The following LPIN1 variants were observed in gnomAD, a reference collection of about 807,000 sequenced individuals.
LPIN1 encodes lipin 1, also known as phosphatidate phosphatase LPIN1.
In LPIN1, 71 loss-of-function variants were observed where a neutral mutation model predicts 107.5. The ratio of observed to expected loss-of-function variants is 0.66; its 90% confidence interval spans 0.55 to 0.80. The LOEUF is 0.80. Ranked by LOEUF, LPIN1 falls within the 30% of genes least tolerant of loss-of-function variation. LPIN1 has a pLI of 0.00. For missense variants in LPIN1, 1,043 were observed against 1,160.6 expected, an observed-to-expected ratio of 0.90 and a Z score of 1.47; for synonymous variants, 445 against 452.6, an observed-to-expected ratio of 0.98 and a Z score of 0.21.
At chr2:11,807,350 C>A (rs1228588648) in intron 17 of LPIN1, among the ~76,000 whole-genome samples, 1 of 152,154 alleles carries the variant, frequency 6.6e-6, no homozygotes. Context: ...CATGAGGTGC[C>A]TTGACTTGTG....
At chr2:11,724,755 AG>A (rs1315336488) in intron 1 of LPIN1, 1 of 457,516 alleles carries the variant, frequency 2.2e-6, no homozygotes, top group East Asian at 1.5e-4. Flanking sequence ...TGAAGGGGGC[AG>A]TGACTGGAAT....
intron 7 of LPIN1, 58 bp downstream of exon 7, chr2:11,779,703 A>G: frequency 1.2e-6 from 2 of 1,608,080 alleles, no homozygotes; most frequent in Non-Finnish European, 1.7e-6. Flanking sequence ...CTTAAATTAC[A>G]TGGAATTAGT....
intron 1 of LPIN1, among the ~76,000 whole-genome samples, chr2:11,691,795 C>T (rs1662285363): frequency 6.6e-6 from 1 of 152,248 alleles, no homozygotes; most frequent in South Asian, 2.1e-4. Context: ...CATGAGAAGC[C>T]TCCATCCAAG....
chr2:11,729,660 C>T, intron 1 of LPIN1, among the ~76,000 whole-genome samples: 1 of 152,332 alleles, frequency 6.6e-6, no homozygotes, highest in East Asian at 1.9e-4. Context: ...ATGTGACCTG[C>T]AAAGTCTACA....
Position 11,772,779 on chromosome 2 carries a change from C to T in LPIN1, c.597-841C>T, listed in dbSNP as rs115470018. On this transcript the variant is annotated intron_variant, in intron 4 of 20. Coordinates refer to ENST00000674199, the MANE Select transcript of LPIN1 (RefSeq NM_001349206.2). ...TGATGTTTCAGATTTTTACATAATT[C>T]GGTATAATTTTTGATAATTTTGTTA... is the stretch of plus-strand genomic sequence containing the variant. 9.8e-3 allele frequency among the ~76,000 whole-genome samples: 1,496 copies of T among 152,104 alleles called. 31 individuals carry two copies. Among genetic ancestry groups the T allele is most frequent in the African/African-American group, 0.032 (1,347 of 41,454 alleles).
rs141555457 is a variant in LPIN1, at chr2:11,779,542, C to A, written c.854C>A (p.Thr285Lys). ...AGTCCTTCCGGTTCCCGACCTTCAA[C>A]ACCTAAAAGTGATTCAGAATTGGTC... ...SESPSGSRPS[T>K]PKSDSELVSK... is the part of the protein sequence containing the mutation. Residue 285 changes from threonine to lysine, a missense_variant, in exon 7 of 21, where the codon ACA (threonine) becomes AAA (lysine). Coordinates refer to ENST00000674199, the MANE Select transcript of LPIN1 (RefSeq NM_001349206.2). The A allele has an allele frequency of 1.2e-4, 198 of 1,613,978 alleles. No homozygotes were observed. The Admixed American group carries it at 3.0e-3, about 24-fold the overall frequency.
At chr2:11,691,679 A>G (rs1244737646) in intron 1 of LPIN1, among the ~76,000 whole-genome samples, 4 of 152,178 alleles carry the variant, frequency 2.6e-5, no homozygotes, top group Non-Finnish European at 5.9e-5. Context: ...TCAAAATACA[A>G]GTTCACTATA....
intron 1 of LPIN1, among the ~76,000 whole-genome samples, chr2:11,705,087 A>G (rs1663060923): frequency 1.3e-5 from 2 of 152,206 alleles, no homozygotes; most frequent in Non-Finnish European, 2.9e-5. Context: ...TACCACCTTC[A>G]TCTTTTTCAC....
chr2:11,709,632 T>C (rs908090434), intron 1 of LPIN1, among the ~76,000 whole-genome samples: 3 of 152,246 alleles, frequency 2.0e-5, no homozygotes, highest in African/African-American at 4.8e-5. Context: ...TCTGCCTCTC[T>C]TGTCCTGGAA....
At position 11,765,879 on chromosome 2, in the gene LPIN1, A is replaced by AC; in HGVS notation, c.192+146_192+147insC. 1 of 661,456 alleles carries AC rather than the reference A, an allele frequency of 1.5e-6. No homozygotes were observed. Among genetic ancestry groups the AC allele is most frequent in the Non-Finnish European group, 2.5e-6 (1 of 393,722 alleles). The allele number at this position is 661,456 out of a possible 1,614,324, so 41.0% of individuals were successfully genotyped here. ...CCAGTCACGGAACTGACAGTGACTA[A>AC]TTGAAATTATTCTAGTTAGTATGGC... On this transcript the variant is annotated intron_variant, in intron 2 of 20. Transcript: ENST00000674199. The surrounding 1 kb of genome is among the most constrained non-coding windows in gnomAD (Gnocchi z 4.4).
chr2:11,685,080 A>G (rs1371071708), intron 1 of LPIN1, among the ~76,000 whole-genome samples: 1 of 152,210 alleles, frequency 6.6e-6, no homozygotes, highest in African/African-American at 2.4e-5. Flanking sequence ...GGAGCCCGAG[A>G]CGGGAGGATG....
rs748867253 is a variant in LPIN1, at chr2:11,773,619, G to T, written c.597-1G>T. ...CTTTAATCTTTTTTTTTTTCCTCCA[G>T]AACTCTTCCTAATGATATACCTCCA... On this transcript the variant is annotated splice_acceptor_variant, in intron 4 of 20. Transcript: ENST00000674199. LOFTEE classifies it high-confidence loss of function. The T allele has an allele frequency of 6.2e-7, 1 of 1,605,162 alleles. No homozygotes were observed. The highest frequency in any genetic ancestry group is 2.2e-5 in the East Asian group (1 of 44,786).
intron 1 of LPIN1, among the ~76,000 whole-genome samples, chr2:11,759,833 C>T (rs553784576): frequency 2.0e-5 from 3 of 146,736 alleles, no homozygotes; most frequent in Admixed American, 6.8e-5. Context: ...ACCTCCCTCC[C>T]GGACGGGGCG....
Position 11,788,408 on chromosome 2 carries a change from A to G in LPIN1, c.1665A>G (p.Ala555=). The G allele has an allele frequency of 4.3e-6, 7 of 1,614,002 alleles. No homozygotes were observed. In the East Asian group the frequency reaches 6.7e-5, roughly 15 times the overall value. ...TTAGATATTATAACTGGACAACAGC[A>G]GCACCCCTCCTCCTGGCAATGCAGG... is the stretch of plus-strand genomic sequence containing the variant. ...IGSKYYNWTT[A]APLLLAMQAF... is the part of the protein sequence containing the mutation. The change falls in exon 12 of 21, where the codon GCA becomes GCG. Residue 555 remains alanine (A), a synonymous_variant. Coordinates refer to ENST00000674199, the MANE Select transcript of LPIN1 (RefSeq NM_001349206.2).
Position 11,788,375 on chromosome 2 carries a change from G to A in LPIN1, c.1644-12G>A. 1 of 1,605,448 alleles carries A rather than the reference G, an allele frequency of 6.2e-7. No individual in the cohort carries two copies. The stretch of plus-strand genomic sequence containing the variant: ...TCGGTTTTTTGACATATATTTCATT[G>A]TTTTGTGTTAGATATTATAACTGGA... On this transcript the variant is annotated splice_polypyrimidine_tract_variant and intron_variant, in intron 11 of 20. Transcript: ENST00000674199.
Position 11,791,903 on chromosome 2 carries a change from A to G in LPIN1, c.1714-11A>G, listed in dbSNP as rs1675813018. 6.2e-7 allele frequency: 1 copy of G among 1,613,098 alleles called. No individual in the cohort carries two copies. Among genetic ancestry groups the G allele is most frequent in the African/African-American group, 1.3e-5 (1 of 74,828 alleles). On this transcript the variant is annotated splice_polypyrimidine_tract_variant and intron_variant, in intron 12 of 20. Coordinates refer to ENST00000674199, the MANE Select transcript of LPIN1 (RefSeq NM_001349206.2). ...TGTTCCATTATTTATGTTACCATCC[A>G]TTTAAAACAGGCCACTGTGGAATCT...
At chr2:11,790,179 G>T (rs1479955432) in intron 12 of LPIN1, among the ~76,000 whole-genome samples, 2 of 152,178 alleles carry the variant, frequency 1.3e-5, no homozygotes, top group Non-Finnish European at 2.9e-5. Context: ...AAGCAAACCA[G>T]TTTTTTTCTC....
At chr2:11,713,460 AG>A (rs1558741690) in intron 1 of LPIN1, among the ~76,000 whole-genome samples, 4 of 151,854 alleles carry the variant, frequency 2.6e-5, no homozygotes, top group Non-Finnish European at 4.4e-5. Context: ...TAGTAGAGAC[AG>A]GGTTTTGCCA....
upstream of LPIN1, among the ~76,000 whole-genome samples, chr2:11,744,444 C>T (rs957474273): frequency 6.6e-6 from 1 of 152,122 alleles, no homozygotes; most frequent in Non-Finnish European, 1.5e-5. Flanking sequence ...CAAAAGGCTC[C>T]CCCCAACCCT....
Sources: gnomAD v4.1 joint callset for allele counts (sites outside exome capture counted in the v4.1 genomes callset) on GRCh38, gnomAD v4.1.1 for gene constraint, Gnocchi (gnomAD v3.1) non-coding constraint, MANE v1.5 for transcripts, NCBI Gene and HGNC (gene_info 2026-07-23, HGNC 2026-07-21) for gene names.